Variants in FAAH2 observed in about 807,000 individuals in gnomAD.
FAAH2 encodes the protein fatty-acid amide hydrolase 2.
A neutral mutation model predicts 36.9 loss-of-function variants in FAAH2; 60 were observed. The ratio of observed to expected loss-of-function variants is 1.63; its 90% CI spans 1.32 to 2.02. The LOEUF is 2.02. FAAH2 is among the 30% of genes most tolerant of loss of function. The pLI, the probability that FAAH2 is intolerant of heterozygous loss-of-function variation, is 0.00. For synonymous variants in FAAH2, 214 were observed against 143.8 expected (o/e 1.49, Z -3.49); for missense variants, 689 against 397.5 (o/e 1.73, Z -6.23).
the FAAH2 span, among the ~76,000 whole-genome samples, chrX:57,275,624 A>G: frequency 8.9e-6 from 1 of 112,445 alleles, no homozygotes; most frequent in Non-Finnish European, 1.9e-5. Flanking sequence ...AAAGACAAAG[A>G]CTGGCAAATT....
the FAAH2 span, among the ~76,000 whole-genome samples, chrX:57,228,425 T>C: frequency 1.8e-5 from 2 of 111,398 alleles, no homozygotes; most frequent in Non-Finnish European, 3.8e-5. Flanking sequence ...AGCTTCTCCA[T>C]TGGGGATGTC....
At chrX:57,220,414 C>T in the FAAH2 span, among the ~76,000 whole-genome samples, 1 of 110,979 alleles carries the variant, frequency 9.0e-6, no homozygotes, top group Non-Finnish European at 1.9e-5. Flanking sequence ...TGCCTATTAA[C>T]TCAACCGCGC....
the FAAH2 span, among the ~76,000 whole-genome samples, chrX:57,268,044 C>A: frequency 8.9e-6 from 1 of 111,866 alleles, no homozygotes; most frequent in African/African-American, 3.3e-5. Flanking sequence ...TTGATAGGAG[C>A]AAAGTTCACT....
chrX:57,461,941 A>T (rs1243651970), intron 10 of FAAH2, among the ~76,000 whole-genome samples: 3 of 110,528 alleles, frequency 2.7e-5, no homozygotes, highest in African/African-American at 9.9e-5. Flanking sequence ...AATCAAATAG[A>T]CACAATAAAA....
At chrX:57,271,109 C>T in the FAAH2 span, among the ~76,000 whole-genome samples, 28 of 112,443 alleles carry the variant, frequency 2.5e-4, no homozygotes, top group Admixed American at 2.6e-3. Context: ...AGCACAGCAG[C>T]AATCTGAGGT....
At chrX:57,269,346 A>C in the FAAH2 span, among the ~76,000 whole-genome samples, 1 of 111,471 alleles carries the variant, frequency 9.0e-6, no homozygotes. Flanking sequence ...TATATTAATG[A>C]CCTGAACTCA....
At chrX:57,188,518 A>C in the FAAH2 span, among the ~76,000 whole-genome samples, 17 of 109,070 alleles carry the variant, frequency 1.6e-4, no homozygotes, top group South Asian at 6.3e-3. Flanking sequence ...TCCTGCATTC[A>C]TTGATTTTTT....
intron 7 of FAAH2, chrX:57,393,581 T>C: frequency 2.2e-6 from 2 of 909,502 alleles, no homozygotes; most frequent in Admixed American, 4.4e-5. Context: ...CTGCATGAGA[T>C]TGGGCTTGAT....
chrX:57,423,801 C>T (rs2056094142), intron 7 of FAAH2, among the ~76,000 whole-genome samples: 1 of 111,115 alleles, frequency 9.0e-6, no homozygotes, highest in South Asian at 3.9e-4. Context: ...ATACAGACAA[C>T]AGGACCACGC....
At chrX:57,366,436 C>T (rs1352146552) in intron 5 of FAAH2, among the ~76,000 whole-genome samples, 1 of 112,143 alleles carries the variant, frequency 8.9e-6, no homozygotes, top group East Asian at 2.8e-4. Context: ...CAATGTGTTC[C>T]CAGCCCATTG....
intron 10 of FAAH2, among the ~76,000 whole-genome samples, chrX:57,457,899 C>T (rs1254486016): frequency 9.0e-6 from 1 of 111,644 alleles, no homozygotes; most frequent in African/African-American, 3.3e-5. Flanking sequence ...TTCAACACTA[C>T]TCCTATCAAA....
chrX:57,436,698 G>A (rs1381700006), intron 8 of FAAH2, among the ~76,000 whole-genome samples: 2 of 111,230 alleles, frequency 1.8e-5, no homozygotes, highest in Non-Finnish European at 3.8e-5. Flanking sequence ...GTTTGAATCA[G>A]GAGGTAATAG....
the FAAH2 span, among the ~76,000 whole-genome samples, chrX:57,193,358 A>G: frequency 8.9e-6 from 1 of 111,967 alleles, no homozygotes; most frequent in African/African-American, 3.2e-5. Context: ...GTCTCCTGAT[A>G]AGATGTTATC....
intron 4 of FAAH2, among the ~76,000 whole-genome samples, chrX:57,337,583 G>A (rs886153573): frequency 3.6e-5 from 4 of 111,934 alleles, no homozygotes; most frequent in African/African-American, 1.3e-4. Context: ...TCATCCCTAC[G>A]ATGCAAGTTT....
chrX:57,143,495 G>A, the FAAH2 span, among the ~76,000 whole-genome samples: 1 of 109,276 alleles, frequency 9.2e-6, no homozygotes, highest in South Asian at 4.0e-4. Context: ...TATTATTATT[G>A]AGATAGGATC....
the FAAH2 span, among the ~76,000 whole-genome samples, chrX:57,246,780 G>A: frequency 6.3e-5 from 7 of 111,659 alleles, no homozygotes; most frequent in African/African-American, 2.3e-4. Flanking sequence ...GACATGGTGA[G>A]TATGCAGTAA....
the FAAH2 span, among the ~76,000 whole-genome samples, chrX:57,170,909 C>T: frequency 9.1e-6 from 1 of 109,396 alleles, no homozygotes; most frequent in Non-Finnish European, 1.9e-5. Context: ...AGGGTTTCAC[C>T]ATGTTGGCCA....
intron 7 of FAAH2, among the ~76,000 whole-genome samples, chrX:57,419,377 CT>C (rs2055942545): frequency 9.0e-6 from 1 of 111,218 alleles, no homozygotes; most frequent in Non-Finnish European, 1.9e-5. Flanking sequence ...TCTCCAGCAC[CT>C]GTTGTTTCCT....
At chrX:57,213,034 C>T in the FAAH2 span, among the ~76,000 whole-genome samples, 6 of 111,091 alleles carry the variant, frequency 5.4e-5, no homozygotes, top group African/African-American at 2.0e-4. Flanking sequence ...CTGGTCTATT[C>T]AGGATTTCTT....
Sources: allele counts gnomAD v4.1 joint callset (sites outside exome capture counted in the v4.1 genomes callset), GRCh38; gene constraint gnomAD v4.1.1; transcripts MANE v1.5; gene names NCBI Gene and HGNC (gene_info 2026-07-23, HGNC 2026-07-21).